SEMA3A: variants seen among roughly 807,000 people sequenced by gnomAD.
The protein encoded by SEMA3A is semaphorin 3A, also known as semaphorin-3A.
SEMA3A carries 29 observed loss-of-function variants against 97.9 expected under a neutral mutation model. The observed-to-expected ratio is 0.30, with a 90% CI of 0.22 to 0.40. The LOEUF is 0.40. Among genes scored for constraint, SEMA3A ranks in the 10% least tolerant of loss-of-function variants. The pLI is 1.00. For missense variants in SEMA3A, 763 were observed against 951.3 expected (o/e 0.80, Z 2.60); for synonymous variants, 321 against 323.7 (o/e 0.99, Z 0.09).
At chr7:84,194,450 C>A in intron 1 of SEMA3A, 25 bp downstream of exon 1, 2 of 1,503,346 alleles carry the variant, frequency 1.3e-6, no homozygotes, top group South Asian at 1.1e-5. Context: ...CAAAGCTAAC[C>A]AAATAAAAGA....
At chr7:84,480,190 T>C (rs776872226) in intron 1 of SEMA3A, among the ~76,000 whole-genome samples, 115 of 152,186 alleles carry the variant, frequency 7.6e-4, no homozygotes, top group Non-Finnish European at 1.1e-3. Flanking sequence ...CAGGCAGGGC[T>C]CTGGGGTTTT....
intron 6 of SEMA3A, 80 bp downstream of exon 6, chr7:84,046,244 C>T: frequency 1.3e-6 from 2 of 1,501,248 alleles, no homozygotes; most frequent in Non-Finnish European, 1.8e-6. Context: ...AGTCATATTG[C>T]ATGTACTGTA....
chr7:84,027,714 G>A (rs990588766), intron 6 of SEMA3A, among the ~76,000 whole-genome samples: 1 of 152,126 alleles, frequency 6.6e-6, no homozygotes, highest in Non-Finnish European at 1.5e-5. Flanking sequence ...GCAGTGTTAA[G>A]AAGCTGTCAC....
intron 2 of SEMA3A, among the ~76,000 whole-genome samples, chr7:84,318,385 G>C (rs991636940): frequency 4.8e-5 from 7 of 146,004 alleles, no homozygotes; most frequent in Admixed American, 2.0e-4. Context: ...TGCAGTGGCG[G>C]GATCTCGGCT....
intron 12 of SEMA3A, among the ~76,000 whole-genome samples, chr7:83,991,911 G>A (rs1016631221): frequency 2.7e-5 from 4 of 147,596 alleles, no homozygotes; most frequent in Non-Finnish European, 4.5e-5. Context: ...GTTCCTCCTT[G>A]TACCTCTGTT....
Position 84,435,385 on chromosome 7 carries a change from G to A in SEMA3A, c.-246+57075C>T, listed in dbSNP as rs535527073. 4.1e-4 allele frequency among the ~76,000 whole-genome samples: 63 copies of A among 152,156 alleles called. 2 individuals are homozygous for A. Among genetic ancestry groups the A allele is most frequent in the African/African-American group, 1.4e-3 (58 of 41,520 alleles). On this transcript the variant is annotated intron_variant, in intron 1 of 3. Coordinates refer to the SEMA3A transcript ENST00000424555. ...AGCACTTTGGGAGGCCAACATGGGC[G>A]GATCACGAGGTCAGGAGATCGAGAC...
At chr7:84,050,779 T>C (rs995753831) in intron 5 of SEMA3A, among the ~76,000 whole-genome samples, 2 of 152,220 alleles carry the variant, frequency 1.3e-5, no homozygotes, top group African/African-American at 4.8e-5. Context: ...CATGAAGTCC[T>C]TGCCCATGCT....
chr7:84,204,406 G>C (rs1562850777), intron 3 of SEMA3A, among the ~76,000 whole-genome samples: 1 of 152,070 alleles, frequency 6.6e-6, no homozygotes, highest in Non-Finnish European at 1.5e-5. Flanking sequence ...CAAGGACATC[G>C]AGGATCCCAC....
At chr7:84,409,189 T>G (rs114054972) in intron 1 of SEMA3A, among the ~76,000 whole-genome samples, 21 of 151,550 alleles carry the variant, frequency 1.4e-4, no homozygotes, top group African/African-American at 5.1e-4. Flanking sequence ...TCTAGAAGTA[T>G]TGGAATGTTC....
At chr7:84,017,531 A>G (rs563333148) in intron 6 of SEMA3A, among the ~76,000 whole-genome samples, 24 of 152,358 alleles carry the variant, frequency 1.6e-4, no homozygotes, top group Admixed American at 8.5e-4. Context: ...TGTTCAAGAA[A>G]TTTAGGTTAT....
chr7:84,325,421 A>C (rs6467991), intron 2 of SEMA3A, among the ~76,000 whole-genome samples: 42,924 of 151,860 alleles, frequency 0.28, 8,409 homozygotes, highest in African/African-American at 0.55. Context: ...GTCACATTTG[A>C]ACAAAGATCT....
chr7:83,990,929 T>C (rs1199712157), intron 12 of SEMA3A, among the ~76,000 whole-genome samples: 1 of 152,174 alleles, frequency 6.6e-6, no homozygotes, highest in Admixed American at 6.5e-5. Flanking sequence ...ATTTTCACGA[T>C]ATTGATTCTT....
At chr7:84,031,629 T>C (rs534252241) in intron 6 of SEMA3A, among the ~76,000 whole-genome samples, 7 of 151,526 alleles carry the variant, frequency 4.6e-5, no homozygotes, top group African/African-American at 7.3e-5. Context: ...AGGTTGGGAG[T>C]TCGAGACTAG....
chr7:84,150,875 G>A lies in SEMA3A; in HGVS notation c.113-15924C>T, dbSNP rs893187812. On this transcript the variant is annotated intron_variant, in intron 1 of 16. Coordinates refer to ENST00000265362, the MANE Select transcript of SEMA3A (RefSeq NM_006080.3). ...TTTGAAGAGAGCAGTGGTTCTCCCA[G>A]CACGCAGCTGGAGATCTGAGAACGG... Among the ~76,000 whole-genome samples, 103 of 151,562 alleles carry A rather than the reference G, an allele frequency of 6.8e-4. 1 individual carries two copies. Among genetic ancestry groups the A allele is most frequent in the Middle Eastern group, 3.4e-3 (1 of 294 alleles).
chr7:83,995,498 AAC>A (rs1376555654), intron 12 of SEMA3A, among the ~76,000 whole-genome samples: 2 of 152,212 alleles, frequency 1.3e-5, no homozygotes, highest in Admixed American at 6.5e-5. Flanking sequence ...GGAAATTAAT[AAC>A]AGTTTGGAAT....
rs4732554 is a variant in SEMA3A at position 84,463,855 on chromosome 7, A to G, written c.-246+28605T>C. ...TATAACTTTATTCCTAACATATATT[A>G]CAATATAATTATATACTTTTTCCTC... is the stretch of plus-strand genomic sequence containing the variant. On this transcript the variant is annotated intron_variant, in intron 1 of 3. Coordinates refer to the SEMA3A transcript ENST00000424555. Among the ~76,000 whole-genome samples, 2,050 of 152,150 alleles carry G rather than the reference A, an allele frequency of 0.013. 94 individuals carry two copies. The East Asian group carries it at 0.16, about 12-fold the overall frequency.
At chr7:84,367,017 T>C (rs955861542) in intron 2 of SEMA3A, among the ~76,000 whole-genome samples, 1 of 151,148 alleles carries the variant, frequency 6.6e-6, no homozygotes, top group Non-Finnish European at 1.5e-5. Context: ...TTGAATAAAT[T>C]GAGGTGCAGA....
intron 1 of SEMA3A, among the ~76,000 whole-genome samples, chr7:84,395,118 G>A (rs1803689743): frequency 6.6e-6 from 1 of 152,014 alleles, no homozygotes; most frequent in South Asian, 2.1e-4. Flanking sequence ...AGAAGGAATG[G>A]TAAATAAAAT....
chr7:84,188,634 A>G (rs1046360825), intron 1 of SEMA3A, among the ~76,000 whole-genome samples: 1 of 151,940 alleles, frequency 6.6e-6, no homozygotes, highest in Non-Finnish European at 1.5e-5. Context: ...CACATCATAT[A>G]ATATGTGATA....
Sources: allele counts gnomAD v4.1 joint callset (sites outside exome capture counted in the v4.1 genomes callset), GRCh38; gene constraint gnomAD v4.1.1; transcripts MANE v1.5; gene names NCBI Gene and HGNC (gene_info 2026-07-23, HGNC 2026-07-21).